MYH16: variants seen among roughly 807,000 people sequenced by gnomAD.
The protein encoded by MYH16 is putative uncharacterized protein MYH16.
At chr7:99,269,938 G>A (rs1792028401) in intron 18 of MYH16, among the ~76,000 whole-genome samples, 1 of 139,050 alleles carries the variant, frequency 7.2e-6, no homozygotes, top group Non-Finnish European at 1.5e-5. Context: ...CAGTGGCACT[G>A]TCTTGGCTCA....
At chr7:99,247,658 G>A (rs1388045765) in exon 3 of MYH16, 11 of 189,346 alleles carry the variant, frequency 5.8e-5, no homozygotes, top group African/African-American at 1.9e-4. Context: ...TACGGGGCCC[G>A]TGTGGCTAAC....
chr7:99,280,867 G>T lies in MYH16; in HGVS notation n.2888-9G>T. On this transcript the variant is annotated splice_polypyrimidine_tract_variant and intron_variant and non_coding_transcript_variant, in intron 22 of 41. Transcript: ENST00000439784. Reference sequence around the variant, plus strand: ...AAGGATCTACCTCTCTCCCTGCCCTGGTTTCTAGGCCCTGGATCACAAGGT... The same window carrying T: ...AAGGATCTACCTCTCTCCCTGCCCTTGTTTCTAGGCCCTGGATCACAAGGT... 1 of 337,542 alleles carries T rather than the reference G, an allele frequency of 3.0e-6. No homozygotes were observed. The highest frequency in any genetic ancestry group is 5.9e-6 in the Non-Finnish European group (1 of 168,806). The allele number at this position is 337,542 out of a possible 1,614,324, so 20.9% of individuals were successfully genotyped here. A position where few individuals can be genotyped will look rare whatever the true frequency, so the allele number is the denominator to read the frequency against.
intron 20 of MYH16, among the ~76,000 whole-genome samples, chr7:99,274,408 C>A (rs535404263): frequency 6.6e-6 from 1 of 152,334 alleles, no homozygotes; most frequent in Admixed American, 6.5e-5. Flanking sequence ...TCTCGGGTGG[C>A]CCTGAGTCCT....
intron 3 of MYH16, among the ~76,000 whole-genome samples, chr7:99,247,979 T>C (rs951335120): frequency 2.0e-5 from 3 of 152,208 alleles, no homozygotes; most frequent in Non-Finnish European, 4.4e-5. Context: ...TCACACCCTA[T>C]CTCATTTAAG....
intron 2 of MYH16, among the ~76,000 whole-genome samples, chr7:99,244,388 A>G (rs1447042564): frequency 6.6e-6 from 1 of 152,254 alleles, no homozygotes; most frequent in East Asian, 1.9e-4. Flanking sequence ...TAAGACAGAA[A>G]GATGATTTCC....
At chr7:99,287,736 A>G (rs1792299875) in intron 28 of MYH16, 156 bp from the exon 10 acceptor site, 1 of 357,850 alleles carries the variant, frequency 2.8e-6, no homozygotes, top group Admixed American at 3.7e-5. Context: ...CCTGTGGGCA[A>G]CCCCCACCCC....
chr7:99,291,393 G>A, exon 31 of MYH16: 1 of 456,634 alleles, frequency 2.2e-6, no homozygotes, highest in South Asian at 1.5e-5. Flanking sequence ...TACGGATAAA[G>A]ACATCTCTGA....
At chr7:99,271,390 T>A (rs1453454430) in intron 19 of MYH16, among the ~76,000 whole-genome samples, 1 of 152,120 alleles carries the variant, frequency 6.6e-6, no homozygotes, top group Admixed American at 6.5e-5. Context: ...GCACCTATAA[T>A]CCCAGCTACT....
chr7:99,256,633 G>C (rs1791875892), intron 9 of MYH16, among the ~76,000 whole-genome samples: 1 of 152,204 alleles, frequency 6.6e-6, no homozygotes, highest in South Asian at 2.1e-4. Context: ...AAATTAGCCA[G>C]GCATGGTGGC....
At chr7:99,299,192 G>A (rs1227001233) in intron 36 of MYH16, among the ~76,000 whole-genome samples, 1 of 152,184 alleles carries the variant, frequency 6.6e-6, no homozygotes, top group Non-Finnish European at 1.5e-5. Context: ...GCTGCAGTGA[G>A]TTATGATCAC....
At chr7:99,305,254 T>C (rs753108901) in intron 40 of MYH16, among the ~76,000 whole-genome samples, 5 of 151,312 alleles carry the variant, frequency 3.3e-5, no homozygotes, top group Non-Finnish European at 7.4e-5. Flanking sequence ...GAAAAGGAAA[T>C]TGAGGGAAGA....
At chr7:99,281,755 T>C (rs1241996187) in intron 23 of MYH16, among the ~76,000 whole-genome samples, 1 of 152,146 alleles carries the variant, frequency 6.6e-6, no homozygotes, top group Non-Finnish European at 1.5e-5. Flanking sequence ...CCCACCGACT[T>C]TCCCAGGCCC....
intron 34 of MYH16, 82 bp downstream of exon 15, chr7:99,296,999 A>G (rs1194641385): frequency 4.7e-6 from 2 of 421,426 alleles, no homozygotes; most frequent in Non-Finnish European, 9.7e-6. Context: ...GCACATCATC[A>G]GTTGAGTACC....
chr7:99,243,906 C>T (rs1452118065), intron 2 of MYH16, among the ~76,000 whole-genome samples: 2 of 151,678 alleles, frequency 1.3e-5, no homozygotes, highest in Non-Finnish European at 2.9e-5. Context: ...TCCATCCAAA[C>T]ATCCATCCAT....
chr7:99,287,811 A>G, intron 28 of MYH16, 81 bp from the exon 10 acceptor site: 1 of 405,606 alleles, frequency 2.5e-6, no homozygotes. Flanking sequence ...ATATCAGGGG[A>G]CCACCGAGCA....
chr7:99,277,935 G>GAGACAGAC (rs776604184), intron 21 of MYH16, among the ~76,000 whole-genome samples: 28 of 143,882 alleles, frequency 1.9e-4, no homozygotes, highest in East Asian at 6.1e-4. Flanking sequence ...GAGAGAGAGA[G>GAGACAGAC]AGACAGACAG....
rs575334219 is a variant in MYH16 at position 99,287,268 on chromosome 7, C to T, written n.3461-624C>T. On this transcript the variant is annotated intron_variant and non_coding_transcript_variant, in intron 28 of 41. Transcript: ENST00000439784. ...GAGAGTCCGGCCGGGCACGGTGGCT[C>T]ACGCCTGTACTCCCAGCACTTTGGG... Among the ~76,000 whole-genome samples the T allele has an allele frequency of 4.6e-5, 7 of 152,210 alleles. No homozygotes were observed. The South Asian group carries it at 1.2e-3, about 27-fold the overall frequency.
chr7:99,241,805 C>T (rs554455913), intron 1 of MYH16, among the ~76,000 whole-genome samples: 37 of 151,746 alleles, frequency 2.4e-4, no homozygotes, highest in African/African-American at 8.7e-4. Flanking sequence ...TTTTCTAGAT[C>T]GTATGTCTTC....
intron 37 of MYH16, among the ~76,000 whole-genome samples, chr7:99,300,369 CACAA>C (rs528217047): frequency 1.2e-3 from 180 of 152,280 alleles, no homozygotes; most frequent in African/African-American, 4.2e-3. Flanking sequence ...AAAAAATAAA[CACAA>C]ACAGAGCTGA....
Sources: gnomAD v4.1 joint callset for allele counts (sites outside exome capture counted in the v4.1 genomes callset) on GRCh38, gnomAD v4.1.1 for gene constraint, MANE v1.5 for transcripts, NCBI Gene and HGNC (gene_info 2026-07-23, HGNC 2026-07-21) for gene names.